Variants in PTPRN2 observed in about 807,000 individuals in gnomAD.
PTPRN2 encodes the protein receptor-type tyrosine-protein phosphatase N2.
A neutral mutation model predicts 118.8 loss-of-function variants in PTPRN2; 74 were observed. That is an observed-to-expected ratio of 0.62 (90% CI 0.52 to 0.76). The LOEUF (loss-of-function observed/expected upper bound fraction) is 0.76, where lower values mean the gene tolerates loss of function less well. Ranked by LOEUF, PTPRN2 falls within the 30% of genes least tolerant of loss-of-function variation. PTPRN2 has a pLI of 0.00. For missense variants in PTPRN2, 1,481 were observed against 1,394.4 expected, an observed-to-expected ratio of 1.06 and a Z score of -0.99; for synonymous variants, 641 against 608.0, an observed-to-expected ratio of 1.05 and a Z score of -0.80.
chr7:157,659,807 C>T (rs551693085), intron 13 of PTPRN2, among the ~76,000 whole-genome samples: 11 of 152,112 alleles, frequency 7.2e-5, no homozygotes, highest in Non-Finnish European at 1.3e-4. Flanking sequence ...TGGAGAGGCA[C>T]GATCTCGGCT....
At chr7:158,522,775 C>T (rs1375648447) in intron 1 of PTPRN2, among the ~76,000 whole-genome samples, 2 of 152,178 alleles carry the variant, frequency 1.3e-5, no homozygotes, top group African/African-American at 2.4e-5. Context: ...CTGGTTCTCA[C>T]GTGGACATTG....
At chr7:157,849,745 G>A (rs1307686206) in intron 12 of PTPRN2, among the ~76,000 whole-genome samples, 1 of 152,190 alleles carries the variant, frequency 6.6e-6, no homozygotes, top group African/African-American at 2.4e-5. Flanking sequence ...CCATCAAGAA[G>A]CCTTTCTGCC....
At chr7:157,702,986 T>C (rs1311365993) in intron 12 of PTPRN2, among the ~76,000 whole-genome samples, 1 of 152,136 alleles carries the variant, frequency 6.6e-6, no homozygotes, top group East Asian at 1.9e-4. Context: ...GAGCTCTTTG[T>C]GGAAAGCCTT....
intron 2 of PTPRN2, among the ~76,000 whole-genome samples, chr7:158,475,218 C>T (rs975662973): frequency 5.9e-5 from 9 of 152,280 alleles, no homozygotes; most frequent in East Asian, 5.8e-4. Context: ...CCAACGAGCA[C>T]AGTTCTGGGG....
chr7:158,371,517 T>C (rs889478803), intron 2 of PTPRN2, among the ~76,000 whole-genome samples: 14 of 152,148 alleles, frequency 9.2e-5, no homozygotes, highest in African/African-American at 3.4e-4. Flanking sequence ...AGGAGGCATA[T>C]TTTCCTACAC....
chr7:157,817,938 GTA>G (rs1035963786), intron 12 of PTPRN2, among the ~76,000 whole-genome samples: 1 of 151,998 alleles, frequency 6.6e-6, no homozygotes, highest in Non-Finnish European at 1.5e-5. Flanking sequence ...TATGTATGGT[GTA>G]TATGTGTGTT....
At chr7:158,248,703 C>T (rs60028353) in intron 3 of PTPRN2, among the ~76,000 whole-genome samples, 31 of 147,084 alleles carry the variant, frequency 2.1e-4, no homozygotes, top group Admixed American at 6.1e-4. Flanking sequence ...CGTGCACACA[C>T]GCCACACACA....
At position 157,938,695 on chromosome 7, in the gene PTPRN2, G is replaced by C. The variant is rs149254118; in HGVS notation, c.1724-39958C>G. Among the ~76,000 whole-genome samples the C allele has an allele frequency of 7.1e-3, 1,079 of 152,346 alleles. 15 individuals are homozygous for C. Among genetic ancestry groups the C allele is most frequent in the African/African-American group, 0.025 (1,028 of 41,584 alleles). The stretch of plus-strand genomic sequence containing the variant: ...CATTAAACTGATGAGATTTGAGGAA[G>C]CTCTTTTCCAAAAATTCTCTTTAAT... On this transcript the variant is annotated intron_variant, in intron 11 of 22. Coordinates refer to ENST00000389418, the MANE Select transcript of PTPRN2 (RefSeq NM_002847.5).
chr7:157,920,318 C>G (rs903087607), intron 11 of PTPRN2, among the ~76,000 whole-genome samples: 1 of 152,182 alleles, frequency 6.6e-6, no homozygotes, highest in Non-Finnish European at 1.5e-5. Flanking sequence ...CTAAGTGTGA[C>G]TGGAAAGTTC....
At chr7:157,689,304 C>T (rs564392914) in intron 12 of PTPRN2, among the ~76,000 whole-genome samples, 1 of 152,226 alleles carries the variant, frequency 6.6e-6, no homozygotes, top group South Asian at 2.1e-4. Context: ...GGACACCCTG[C>T]GCTCCGGACT....
intron 2 of PTPRN2, among the ~76,000 whole-genome samples, chr7:158,344,454 G>C (rs112504310): frequency 6.6e-6 from 1 of 152,162 alleles, no homozygotes; most frequent in African/African-American, 2.4e-5. Flanking sequence ...ATAATTTCCT[G>C]TTAAATTAAC....
chr7:158,184,457 C>T (rs1156652508), intron 5 of PTPRN2, among the ~76,000 whole-genome samples: 1 of 152,140 alleles, frequency 6.6e-6, no homozygotes, highest in Non-Finnish European at 1.5e-5. Context: ...TACAGCATTG[C>T]TATATTTACT....
At position 157,845,323 on chromosome 7, in the gene PTPRN2, C is replaced by T. The variant is rs541869006; in HGVS notation, c.1788+53350G>A. On this transcript the variant is annotated intron_variant, in intron 12 of 22. Transcript: ENST00000389418. This position sits in a 1 kb window ranked among gnomAD's most constrained non-coding sequence, Gnocchi z 4.5. ...CCCAGAGGACATACACAGAGTGATC[C>T]GCCCTCTTTTCCCTGGTGAATCACG... 9.2e-5 allele frequency among the ~76,000 whole-genome samples: 14 copies of T among 152,172 alleles called. No individual in the cohort carries two copies. The highest frequency in any genetic ancestry group is 1.6e-4 in the Non-Finnish European group (11 of 68,028).
At chr7:158,468,681 A>T (rs1295904565) in intron 2 of PTPRN2, among the ~76,000 whole-genome samples, 1 of 152,158 alleles carries the variant, frequency 6.6e-6, no homozygotes, top group Non-Finnish European at 1.5e-5. Flanking sequence ...GCAGGGCAAG[A>T]CAAGCCCAAG....
chr7:157,833,734 T>G (rs1275329455), intron 12 of PTPRN2, among the ~76,000 whole-genome samples: 1 of 152,266 alleles, frequency 6.6e-6, no homozygotes, highest in African/African-American at 2.4e-5. Context: ...TATGATGATC[T>G]TATCCGCTGC....
chr7:157,641,223 A>AT (rs1158929681), intron 14 of PTPRN2, among the ~76,000 whole-genome samples: 5 of 152,236 alleles, frequency 3.3e-5, no homozygotes, highest in Admixed American at 6.5e-5. Flanking sequence ...TTACTAAAGT[A>AT]TAACTGCTGA....
chr7:158,569,485 C>T (rs1300587163), intron 1 of PTPRN2, among the ~76,000 whole-genome samples: 2 of 152,254 alleles, frequency 1.3e-5, no homozygotes, highest in Non-Finnish European at 2.9e-5. Context: ...TAGGAGCTCG[C>T]GCACGCCAGG....
Position 157,540,822 on chromosome 7 carries a change from C to G in PTPRN2, c.2977-37G>C, listed in dbSNP as rs56673628. The G allele has an allele frequency of 2.4e-3, 3,538 of 1,501,308 alleles. 82 individuals carry two copies. The African/African-American group carries it at 0.044, about 19-fold the overall frequency. 93.0% of individuals were successfully genotyped at this position (1,501,308 alleles called of 1,614,324 possible). ...GAAACGAGAGAAGTGCCAATGAGAGCGGCGTCCCCCCGACTCCTGCCACAG... is the reference window on the plus strand; with the variant it reads ...GAAACGAGAGAAGTGCCAATGAGAGGGGCGTCCCCCCGACTCCTGCCACAG... On this transcript the variant is annotated intron_variant, in intron 22 of 22. Coordinates refer to ENST00000389418, the MANE Select transcript of PTPRN2 (RefSeq NM_002847.5).
chr7:157,625,895 A>G (rs556372069), intron 14 of PTPRN2, among the ~76,000 whole-genome samples: 1 of 152,354 alleles, frequency 6.6e-6, no homozygotes, highest in South Asian at 2.1e-4. Context: ...GAAAATGAAG[A>G]TAAGCAGAAT....
Sources: allele counts gnomAD v4.1 joint callset (sites outside exome capture counted in the v4.1 genomes callset), GRCh38; gene constraint gnomAD v4.1.1; non-coding constraint Gnocchi (gnomAD v3.1); transcripts MANE v1.5; gene names NCBI Gene and HGNC (gene_info 2026-07-23, HGNC 2026-07-21).